Variants in COA5 observed in about 807,000 individuals in gnomAD.
COA5 encodes cytochrome c oxidase assembly factor 5.
In COA5, 11 loss-of-function variants were observed where a neutral mutation model predicts 11.8. The ratio of observed to expected loss-of-function variants is 0.93; its 90% confidence interval spans 0.59 to 1.54. The LOEUF (loss-of-function observed/expected upper bound fraction) is 1.54. Ranked by LOEUF, COA5 falls within the 40% of genes most tolerant of loss-of-function variation. The pLI is 0.00. For missense variants in COA5, 87 were observed against 89.2 expected (o/e 0.97, Z 0.10); for synonymous variants, 38 against 37.5 (o/e 1.01, Z -0.05).
chr2:98,606,848 T>C (rs1700712882), intron 1 of COA5, among the ~76,000 whole-genome samples: 4 of 152,186 alleles, frequency 2.6e-5, no homozygotes, highest in Non-Finnish European at 5.9e-5. Flanking sequence ...CCTCAGGCCT[T>C]CTGTCGCATT....
Position 98,607,006 on chromosome 2 carries a change from A to G in COA5, c.99+1301T>C, listed in dbSNP as rs3754873. Among the ~76,000 whole-genome samples the G allele has an allele frequency of 2.5e-3, 377 of 152,322 alleles. 19 individuals carry two copies. The East Asian group carries it at 0.064, about 26-fold the overall frequency. On this transcript the variant is annotated intron_variant, in intron 1 of 2. Coordinates refer to ENST00000328709, the MANE Select transcript of COA5 (RefSeq NM_001008215.3). ...ACTCAACTTTTAAGACTCAGCTCAA[A>G]TGTCATCTCAGAAGATTCCAAATTC... is the stretch of plus-strand genomic sequence containing the variant.
In COA5 at chr2:98,608,478, G is replaced by A. The variant is rs1024257695; in HGVS notation, c.-73C>T. On this transcript the variant is annotated 5_prime_UTR_variant, in exon 1 of 3. Coordinates refer to ENST00000328709, the MANE Select transcript of COA5 (RefSeq NM_001008215.3). ...ACTTGCAACCGGGTCGGGAGCGAGC[G>A]AGGCCCCAGTCTCAGGGGACCGGAA... 4 of 1,207,168 alleles carry A rather than the reference G, an allele frequency of 3.3e-6. No homozygotes were observed. Among genetic ancestry groups the A allele is most frequent in the South Asian group, 1.3e-5 (1 of 77,716 alleles). The allele number at this position is 1,207,168 out of a possible 1,614,324, so 74.8% of individuals were successfully genotyped here.
At chr2:98,604,371 GT>G in intron 1 of COA5, 180 bp from the exon 2 acceptor site, 1 of 586,982 alleles carries the variant, frequency 1.7e-6, no homozygotes, top group Non-Finnish European at 3.0e-6. Flanking sequence ...AAAAAAAATT[GT>G]AAAGTAACTT....
At chr2:98,604,435 ACTTTTC>A (rs1329756481) in intron 1 of COA5, 26 of 482,080 alleles carry the variant, frequency 5.4e-5, no homozygotes, top group African/African-American at 2.1e-4. Context: ...TCTATTGGAT[ACTTTTC>A]CTTAAACTGT....
intron 1 of COA5, among the ~76,000 whole-genome samples, chr2:98,606,962 C>T (rs1256598374): frequency 6.6e-6 from 1 of 152,204 alleles, no homozygotes; most frequent in East Asian, 1.9e-4. Flanking sequence ...GTTCCCACTC[C>T]TTTACTTGAT....
At chr2:98,604,984 AAAG>A (rs1285040090) in intron 1 of COA5, among the ~76,000 whole-genome samples, 17 of 152,238 alleles carry the variant, frequency 1.1e-4, no homozygotes, top group Admixed American at 1.1e-3. Flanking sequence ...GAGGCAGACA[AAAG>A]AAGACTAACC....
intron 1 of COA5, among the ~76,000 whole-genome samples, chr2:98,606,895 C>G (rs181547390): frequency 6.6e-6 from 1 of 152,340 alleles, no homozygotes. Flanking sequence ...TGCGCCCTCC[C>G]ACATCTCCCT....
chr2:98,608,434 GACTTTCTC>G lies in COA5; in HGVS notation c.-37_-30del, dbSNP rs778285771. On this transcript the variant is annotated 5_prime_UTR_variant, in exon 1 of 3. Transcript: ENST00000328709. ...GGCGCTTCCCCTCCGATGCGGACGC[GACTTTCTC>G]CCACCGCAACACTTGCAACCGGGTC... is the stretch of plus-strand genomic sequence containing the variant. The G allele has an allele frequency of 6.6e-7, 1 of 1,521,218 alleles. No individual in the cohort carries two copies. The highest frequency in any genetic ancestry group is 8.9e-7 in the Non-Finnish European group (1 of 1,117,878). The allele number at this position is 1,521,218 out of a possible 1,614,324, so 94.2% of individuals were successfully genotyped here.
rs533928580 is a variant in COA5, at chr2:98,608,263, C to A, written c.99+44G>T. The stretch of plus-strand genomic sequence containing the variant: ...CTGCCCTCCGCCGAGCCAGGCCTGC[C>A]TGGGACAGGGGTCGTCACCACCGGG... On this transcript the variant is annotated intron_variant, in intron 1 of 2. Coordinates refer to ENST00000328709, the MANE Select transcript of COA5 (RefSeq NM_001008215.3). 290 of 1,460,740 alleles carry A rather than the reference C, an allele frequency of 2.0e-4. 3 individuals are homozygous for A. The highest frequency in any genetic ancestry group is 1.8e-3 in the South Asian group (149 of 83,372). 90.5% of individuals were successfully genotyped at this position (1,460,740 alleles called of 1,614,324 possible).
intron 1 of COA5, among the ~76,000 whole-genome samples, chr2:98,604,970 C>T (rs544237961): frequency 6.6e-6 from 1 of 152,340 alleles, no homozygotes; most frequent in African/African-American, 2.4e-5. Context: ...ACATGAACGA[C>T]GTGGAGGCAG....
intron 2 of COA5, among the ~76,000 whole-genome samples, chr2:98,603,093 T>A (rs1700664242): frequency 6.6e-6 from 1 of 152,218 alleles, no homozygotes; most frequent in Non-Finnish European, 1.5e-5. Context: ...GTTCTTTGTT[T>A]ACAACCACTT....
intron 2 of COA5, among the ~76,000 whole-genome samples, chr2:98,601,247 A>AAATG (rs999548697): frequency 6.6e-6 from 1 of 152,074 alleles, no homozygotes; most frequent in African/African-American, 2.4e-5. Flanking sequence ...ATAAATAAAT[A>AAATG]AATAAATAAG....
chr2:98,608,277 G>A (rs376170344), intron 1 of COA5, 30 bp downstream of exon 1: 284 of 1,532,912 alleles, frequency 1.9e-4, no homozygotes, highest in Non-Finnish European at 2.3e-4. Context: ...GACAGGGGTC[G>A]TCACCACCGG....
Sources: gnomAD v4.1 joint callset for allele counts (sites outside exome capture counted in the v4.1 genomes callset) on GRCh38, gnomAD v4.1.1 for gene constraint, MANE v1.5 for transcripts, NCBI Gene and HGNC (gene_info 2026-07-23, HGNC 2026-07-21) for gene names.